CFAP58: variants seen among roughly 807,000 people sequenced by gnomAD.
CFAP58 encodes the protein cilia and flagella associated protein 58, also known as cilia- and flagella-associated protein 58.
A neutral mutation model predicts 119.5 loss-of-function variants in CFAP58; 88 were observed. That is an observed-to-expected ratio of 0.74 (90% CI 0.62 to 0.88). The LOEUF is 0.88. Among genes scored for constraint, CFAP58 ranks in the 40% least tolerant of loss-of-function variants. CFAP58 has a pLI of 0.00. For synonymous variants in CFAP58, 365 were observed against 366.3 expected (o/e 1.00, Z 0.04); for missense variants, 990 against 1,021.2 (o/e 0.97, Z 0.42).
intron 8 of CFAP58, among the ~76,000 whole-genome samples, chr10:104,379,723 C>G (rs1301456386): frequency 6.6e-6 from 1 of 152,148 alleles, no homozygotes; most frequent in African/African-American, 2.4e-5. Context: ...TGCCACTTCC[C>G]CATTGTATGA....
intron 7 of CFAP58, among the ~76,000 whole-genome samples, chr10:104,376,138 C>G (rs997107854): frequency 6.6e-6 from 1 of 152,096 alleles, no homozygotes; most frequent in Non-Finnish European, 1.5e-5. Flanking sequence ...CAAGGAAATA[C>G]ATTTTGGGGT....
chr10:104,432,097 T>G (rs1589934057), intron 15 of CFAP58, among the ~76,000 whole-genome samples: 1 of 152,238 alleles, frequency 6.6e-6, no homozygotes, highest in East Asian at 1.9e-4. Flanking sequence ...AGAGGAAGTA[T>G]AATACCAAAG....
chr10:104,385,067 G>A (rs572822537), intron 9 of CFAP58, among the ~76,000 whole-genome samples: 22 of 152,224 alleles, frequency 1.4e-4, no homozygotes, highest in African/African-American at 3.1e-4. Flanking sequence ...TCAACCCTGC[G>A]TTGTGATTGC....
At chr10:104,378,974 C>T (rs180980927) in intron 8 of CFAP58, among the ~76,000 whole-genome samples, 21 of 151,398 alleles carry the variant, frequency 1.4e-4, no homozygotes, top group East Asian at 9.7e-4. Context: ...TCAGAAACTT[C>T]GGAGTTGGAA....
Position 104,380,043 on chromosome 10 carries a change from G to C in CFAP58, c.1188G>C (p.Ala396=). The change falls in exon 9 of 18, where the codon GCG becomes GCC. Residue 396 remains alanine, a synonymous_variant. Transcript: ENST00000369704. ...CTTATTTTTAGAACATGCTTAAGGCGGTCAATGCGACCCAGAAGCAGACAG... is the reference window on the plus strand; with the variant it reads ...CTTATTTTTAGAACATGCTTAAGGCCGTCAATGCGACCCAGAAGCAGACAG... ...RDILNKNMLK[A]VNATQKQTDL... 1 of 1,613,798 alleles carries C rather than the reference G, an allele frequency of 6.2e-7. No homozygotes were observed. Among genetic ancestry groups the C allele is most frequent in the Non-Finnish European group, 8.5e-7 (1 of 1,179,862 alleles).
chr10:104,368,649 G>C, intron 6 of CFAP58, 89 bp downstream of exon 6: 1 of 1,402,526 alleles, frequency 7.1e-7, no homozygotes, highest in East Asian at 2.3e-5. Flanking sequence ...TGGAGAGCCT[G>C]TGTTGGCTCT....
intron 15 of CFAP58, among the ~76,000 whole-genome samples, chr10:104,421,703 CTG>C (rs2012660946): frequency 6.6e-6 from 1 of 152,190 alleles, no homozygotes; most frequent in South Asian, 2.1e-4. Context: ...ACTCATATTG[CTG>C]TGTGACCCAG....
intron 5 of CFAP58, among the ~76,000 whole-genome samples, chr10:104,366,362 A>G (rs1010264608): frequency 6.6e-6 from 1 of 152,196 alleles, no homozygotes; most frequent in Non-Finnish European, 1.5e-5. Flanking sequence ...ACAGAACATT[A>G]CCAGCACCCC....
At chr10:104,385,269 C>T (rs1020815291) in intron 9 of CFAP58, among the ~76,000 whole-genome samples, 4 of 151,938 alleles carry the variant, frequency 2.6e-5, no homozygotes, top group African/African-American at 9.7e-5. Flanking sequence ...TTGGGGGCTT[C>T]CCAGCACATA....
intron 15 of CFAP58, among the ~76,000 whole-genome samples, chr10:104,442,687 A>C (rs913662912): frequency 2.0e-5 from 3 of 152,214 alleles, no homozygotes; most frequent in African/African-American, 7.2e-5. Context: ...ATTAATTTGA[A>C]TACATTTGCA....
Position 104,362,117 on chromosome 10 carries a change from A to G in CFAP58, c.386A>G (p.Asn129Ser), listed in dbSNP as rs1447854414. Residue 129 changes from asparagine to serine, a missense_variant, in exon 3 of 18, where the codon AAC becomes AGC. Transcript: ENST00000369704. ...TILALKEEIV[N>S]LTKLVEQGSG... is the part of the protein sequence containing the mutation. The stretch of plus-strand genomic sequence containing the variant: ...CTTGCTCTGAAAGAGGAAATAGTGA[A>G]CCTGACCAAACTAGTGGAGCAGGGG... 6.2e-7 allele frequency: 1 copy of G among 1,614,118 alleles called. No individual in the cohort carries two copies. Among genetic ancestry groups the G allele is most frequent in the Non-Finnish European group, 8.5e-7 (1 of 1,180,002 alleles).
chr10:104,449,448 C>T (rs2013160520), intron 16 of CFAP58, among the ~76,000 whole-genome samples: 1 of 152,138 alleles, frequency 6.6e-6, no homozygotes. Context: ...TGAGTGAATT[C>T]CCACTCTTCT....
chr10:104,399,828 CTGGG>C (rs1481840242), intron 12 of CFAP58, among the ~76,000 whole-genome samples: 1 of 152,028 alleles, frequency 6.6e-6, no homozygotes, highest in Non-Finnish European at 1.5e-5. Flanking sequence ...TTGATCTTGA[CTGGG>C]TGTTCACATG....
chr10:104,413,576 T>TTCAGAACAAATGAA (rs2012494896), intron 15 of CFAP58, among the ~76,000 whole-genome samples: 2 of 152,176 alleles, frequency 1.3e-5, no homozygotes, highest in African/African-American at 4.8e-5. Context: ...CTTGCTGTTG[T>TTCAGAACAAATGAA]TGCTTCATTT....
chr10:104,411,786 C>T (rs973871760), intron 15 of CFAP58, among the ~76,000 whole-genome samples: 10 of 151,912 alleles, frequency 6.6e-5, no homozygotes, highest in African/African-American at 2.4e-4. Flanking sequence ...CCACCCAGAG[C>T]CCAGGAGAGA....
At chr10:104,353,595 A>G, upstream of CFAP58, 1 of 434,312 alleles carries the variant, frequency 2.3e-6, no homozygotes, top group South Asian at 4.0e-5. Context: ...GACTCCTCCC[A>G]GCCTCTCAGG....
intron 15 of CFAP58, among the ~76,000 whole-genome samples, chr10:104,408,961 G>A (rs1035388552): frequency 5.3e-5 from 8 of 152,078 alleles, no homozygotes; most frequent in South Asian, 2.1e-4. Context: ...TTAGCCAGGC[G>A]TGGGGGCGTG....
At chr10:104,386,829 A>G (rs2011935214) in intron 9 of CFAP58, among the ~76,000 whole-genome samples, 1 of 152,216 alleles carries the variant, frequency 6.6e-6, no homozygotes. Flanking sequence ...ACTTGTGACT[A>G]TGGGTCTGCC....
chr10:104,445,590 T>C (rs2013102346), intron 15 of CFAP58, among the ~76,000 whole-genome samples: 1 of 152,200 alleles, frequency 6.6e-6, no homozygotes, highest in Non-Finnish European at 1.5e-5. Context: ...GATTCTTCTA[T>C]CCATGATATC....
Sources: gnomAD v4.1 joint callset for allele counts (sites outside exome capture counted in the v4.1 genomes callset) on GRCh38, gnomAD v4.1.1 for gene constraint, MANE v1.5 for transcripts, NCBI Gene and HGNC (gene_info 2026-07-23, HGNC 2026-07-21) for gene names.